NCOR1: variants seen among roughly 807,000 people sequenced by gnomAD.
The protein encoded by NCOR1 is nuclear receptor corepressor 1, also known as protein phosphatase 1, regulatory subunit 109.
In NCOR1, 63 loss-of-function variants were observed where a neutral mutation model predicts 288.1. The ratio of observed to expected loss-of-function variants is 0.22; its 90% CI spans 0.18 to 0.27. The LOEUF is 0.27. NCOR1 is among the 10% of genes least tolerant of loss of function. The probability of loss-of-function intolerance (pLI) is 1.00; values close to 1 mark genes in which losing one functional copy is unlikely to be tolerated. For missense variants in NCOR1, 2,397 were observed against 3,019.2 expected (o/e 0.79, Z 4.83); for synonymous variants, 1,007 against 1,065.9 (o/e 0.94, Z 1.08).
chr17:16,054,701 G>A (rs1236631685), intron 40 of NCOR1, among the ~76,000 whole-genome samples: 1 of 152,100 alleles, frequency 6.6e-6, no homozygotes, highest in African/African-American at 2.4e-5. Context: ...AAGCTGAGGT[G>A]GGTAGATCAG....
At chr17:16,084,204 G>C (rs569801800) in intron 23 of NCOR1, 1 of 155,360 alleles carries the variant, frequency 6.4e-6, no homozygotes, top group East Asian at 1.9e-4. Context: ...AAAGGAGCAA[G>C]AACACAAGCA....
At position 16,058,551 on chromosome 17, in the gene NCOR1, C is replaced by A. The variant is rs756784045; in HGVS notation, c.5930G>T (p.Ser1977Ile). 6.2e-7 allele frequency: 1 copy of A among 1,613,758 alleles called. No homozygotes were observed. Among genetic ancestry groups the A allele is most frequent in the Non-Finnish European group, 8.5e-7 (1 of 1,179,746 alleles). The change falls in exon 38 of 46, where the codon AGT becomes ATT. Residue 1977 changes from serine to isoleucine, a missense_variant. Ser to Ile is a moderately radical substitution (Grantham distance 142). Transcript: ENST00000268712. ...GGGTGGCGCAGGTGAGCTGGCAGGA[C>A]TTATCACCTCAATAGCATCGCTAGG... Reference protein sequence around the residue: ...ETPSDAIEVISPASSPAPPQE... With the variant: ...ETPSDAIEVIIPASSPAPPQE...
chr17:16,032,448 G>A lies in NCOR1; in HGVS notation c.7171C>T (p.Arg2391Trp), dbSNP rs2151760735. The A allele has an allele frequency of 1.9e-6, 3 of 1,611,498 alleles. No individual in the cohort carries two copies. The highest frequency in any genetic ancestry group is 2.5e-6 in the Non-Finnish European group (3 of 1,179,162). ...TQFPYNPLTM[R>W]MLSSTPPTPI... is the part of the protein sequence containing the mutation. The stretch of plus-strand genomic sequence containing the variant: ...GTTGGTGGAGTACTGCTGAGCATCC[G>A]CATAGTCAGAGGGTTATAAGGAAAC... Residue 2391 changes from arginine (R) to tryptophan (W), a missense_variant, in exon 46 of 46, where the codon CGG (arginine) becomes TGG (tryptophan). This residue lies in a region of NCOR1 where 1,872 missense variants were observed against 2,187.8 expected (regional missense o/e 0.86). Coordinates refer to ENST00000268712, the MANE Select transcript of NCOR1 (RefSeq NM_006311.4).
intron 21 of NCOR1, among the ~76,000 whole-genome samples, chr17:16,092,668 TA>T (rs1567957304): frequency 7.7e-4 from 11 of 14,328 alleles, no homozygotes; most frequent in African/African-American, 1.8e-3. Context: ...TATATATATA[TA>T]TATATATATA....
intron 23 of NCOR1, among the ~76,000 whole-genome samples, chr17:16,085,890 T>C (rs1051430090): frequency 3.3e-5 from 5 of 152,190 alleles, no homozygotes; most frequent in Non-Finnish European, 7.4e-5. Flanking sequence ...GTGGCCAAAG[T>C]CAGAATAAAT....
intron 26 of NCOR1, 135 bp from the exon 27 acceptor site, chr17:16,075,837 G>A: frequency 1.1e-6 from 1 of 901,312 alleles, no homozygotes; most frequent in East Asian, 2.6e-5. Context: ...ATACATGAAA[G>A]GAAATTAGAC....
intron 11 of NCOR1, among the ~76,000 whole-genome samples, chr17:16,139,931 G>A (rs536876588): frequency 2.3e-4 from 35 of 152,284 alleles, no homozygotes; most frequent in Non-Finnish European, 4.4e-4. Context: ...CTGCCTAATA[G>A]TCAAGTCCTT....
intron 37 of NCOR1, among the ~76,000 whole-genome samples, chr17:16,061,072 T>G (rs1309957997): frequency 1.3e-5 from 2 of 152,204 alleles, no homozygotes; most frequent in Non-Finnish European, 2.9e-5. Flanking sequence ...AGCAAATGCT[T>G]CCTGAGAAAT....
At chr17:16,170,449 ATTCT>A (rs1361032587) in intron 4 of NCOR1, among the ~76,000 whole-genome samples, 1 of 152,168 alleles carries the variant, frequency 6.6e-6, no homozygotes, top group East Asian at 1.9e-4. Flanking sequence ...AAATTAATTT[ATTCT>A]TTCTATGACA....
At chr17:16,056,282 A>C (rs1460492443) in intron 40 of NCOR1, among the ~76,000 whole-genome samples, 2 of 145,042 alleles carry the variant, frequency 1.4e-5, no homozygotes, top group African/African-American at 5.1e-5. Context: ...CCCATATCTC[A>C]GTCTTGTTCT....
chr17:16,139,667 C>T (rs2076890208), intron 11 of NCOR1, among the ~76,000 whole-genome samples: 1 of 152,176 alleles, frequency 6.6e-6, no homozygotes, highest in Non-Finnish European at 1.5e-5. Context: ...TTAAATTAAA[C>T]TCACTTTACT....
intron 1 of NCOR1, among the ~76,000 whole-genome samples, chr17:16,211,750 G>A (rs2092148828): frequency 6.6e-6 from 1 of 151,710 alleles, no homozygotes; most frequent in Non-Finnish European, 1.5e-5. Context: ...TACTGGGGTA[G>A]GAAAAAAATG....
intron 13 of NCOR1, 21 bp downstream of exon 13, chr17:16,138,137 C>T: frequency 6.3e-7 from 1 of 1,598,302 alleles, no homozygotes; most frequent in South Asian, 1.1e-5. Context: ...ACAAACACTC[C>T]CAATGCAAAC....
chr17:16,113,782 G>A (rs1192470404), intron 18 of NCOR1, among the ~76,000 whole-genome samples: 1 of 151,858 alleles, frequency 6.6e-6, no homozygotes, highest in Non-Finnish European at 1.5e-5. Context: ...AATCCCAGCT[G>A]CTAAGGAGGC....
intron 1 of NCOR1, among the ~76,000 whole-genome samples, chr17:16,195,306 A>T (rs1568611897): frequency 2.0e-5 from 3 of 152,166 alleles, no homozygotes; most frequent in Non-Finnish European, 4.4e-5. Context: ...CTTCTTTTCT[A>T]CTAAAAATAC....
At chr17:16,200,495 CAAAAAAAAAAAAAA>C (rs55957034) in intron 1 of NCOR1, among the ~76,000 whole-genome samples, 1 of 60,698 alleles carries the variant, frequency 1.6e-5, no homozygotes, top group East Asian at 6.1e-4. Context: ...GACTCCATCT[CAAAAAAAAAAAAAA>C]AAAAAAAAAA....
chr17:16,193,288 C>T (rs1280443777), intron 2 of NCOR1, among the ~76,000 whole-genome samples: 4 of 151,906 alleles, frequency 2.6e-5, no homozygotes, highest in Non-Finnish European at 4.4e-5. Context: ...TGGAGTGCAA[C>T]GGCGCAATTT....
chr17:16,209,033 G>C (rs1191033463), intron 1 of NCOR1, among the ~76,000 whole-genome samples: 2 of 152,088 alleles, frequency 1.3e-5, no homozygotes, highest in African/African-American at 4.8e-5. Context: ...GCTAGGCACA[G>C]GGTGTTATTC....
chr17:16,201,815 C>T (rs765165947), intron 1 of NCOR1, among the ~76,000 whole-genome samples: 3 of 152,062 alleles, frequency 2.0e-5, no homozygotes, highest in South Asian at 2.1e-4. Context: ...GCCAGCCAAG[C>T]GCGGTGGCTC....
Sources: gnomAD v4.1 joint callset for allele counts (sites outside exome capture counted in the v4.1 genomes callset) on GRCh38, gnomAD v4.1.1 for gene constraint, gnomAD v4.1.1 regional missense constraint, MANE v1.5 for transcripts, NCBI Gene and HGNC (gene_info 2026-07-23, HGNC 2026-07-21) for gene names.